Variants in SGCD observed in about 807,000 individuals in gnomAD.
SGCD encodes the protein sarcoglycan delta.
A neutral mutation model predicts 36.6 loss-of-function variants in SGCD; 18 were observed. The observed-to-expected ratio is 0.49, with a 90% CI of 0.34 to 0.73. The LOEUF is 0.73. Among genes scored for constraint, SGCD ranks in the 30% least tolerant of loss-of-function variants. The pLI, the probability that SGCD is intolerant of heterozygous loss-of-function variation, is 0.01. For synonymous variants in SGCD, 133 were observed against 130.6 expected, an observed-to-expected ratio of 1.02 and a Z score of -0.12; for missense variants, 387 against 346.7, an observed-to-expected ratio of 1.12 and a Z score of -0.92.
chr5:156,437,310 C>T (rs1753286860), intron 3 of SGCD, among the ~76,000 whole-genome samples: 2 of 152,184 alleles, frequency 1.3e-5, no homozygotes, highest in South Asian at 2.1e-4. Context: ...TCCCATTATA[C>T]TTCAAAGGGG....
chr5:156,544,322 G>A (rs941097391), intron 4 of SGCD, among the ~76,000 whole-genome samples: 1 of 152,114 alleles, frequency 6.6e-6, no homozygotes, highest in Non-Finnish European at 1.5e-5. Flanking sequence ...CAACCTACCT[G>A]GTAATAAGGT....
At chr5:156,676,548 G>A (rs1337080687) in intron 7 of SGCD, among the ~76,000 whole-genome samples, 1 of 152,150 alleles carries the variant, frequency 6.6e-6, no homozygotes, top group Non-Finnish European at 1.5e-5. Flanking sequence ...AGGGTTGAGG[G>A]CTTTAGCTTG....
At chr5:156,068,099 TTTTTATTTTTA>T (rs1364415396) in intron 1 of SGCD, among the ~76,000 whole-genome samples, 2 of 149,808 alleles carry the variant, frequency 1.3e-5, no homozygotes, top group Non-Finnish European at 3.0e-5. Context: ...GAATTTTATA[TTTTTATTTTTA>T]TTTTATTTTA....
At chr5:156,429,319 A>C (rs1244311495) in intron 3 of SGCD, among the ~76,000 whole-genome samples, 1 of 147,732 alleles carries the variant, frequency 6.8e-6, no homozygotes, top group East Asian at 2.0e-4. Flanking sequence ...GTCTGATCTA[A>C]AAATAGCTAC....
intron 1 of SGCD, among the ~76,000 whole-genome samples, chr5:156,044,138 T>C (rs1005510087): frequency 6.6e-6 from 1 of 151,954 alleles, no homozygotes; most frequent in Non-Finnish European, 1.5e-5. Context: ...CTTAGAAAAA[T>C]TGGAATGAGA....
At chr5:156,649,127 C>T (rs1280686741) in intron 7 of SGCD, among the ~76,000 whole-genome samples, 1 of 152,070 alleles carries the variant, frequency 6.6e-6, no homozygotes, top group Admixed American at 6.6e-5. Flanking sequence ...TCATCACTGG[C>T]CATCAGAGAA....
At chr5:155,852,892 T>C in the SGCD span, among the ~76,000 whole-genome samples, 1 of 152,132 alleles carries the variant, frequency 6.6e-6, no homozygotes, top group African/African-American at 2.4e-5. Context: ...TGCTAGCTCA[T>C]GTGGTCTGAA....
intron 3 of SGCD, among the ~76,000 whole-genome samples, chr5:156,237,549 C>A (rs1765197889): frequency 1.3e-5 from 2 of 152,094 alleles, no homozygotes; most frequent in South Asian, 4.1e-4. Flanking sequence ...CGGTTGAAAC[C>A]AGAAGGCAGA....
intron 3 of SGCD, among the ~76,000 whole-genome samples, chr5:156,301,479 T>C (rs925529606): frequency 1.3e-5 from 2 of 152,110 alleles, no homozygotes; most frequent in African/African-American, 4.8e-5. Context: ...GAAAAGTTGC[T>C]GTAGTTATTA....
At chr5:156,598,454 A>G (rs535286873) in intron 6 of SGCD, among the ~76,000 whole-genome samples, 1 of 152,314 alleles carries the variant, frequency 6.6e-6, no homozygotes, top group Admixed American at 6.5e-5. Flanking sequence ...AGGCAGGAGA[A>G]TTGCTTGAAC....
At chr5:156,354,094 A>C (rs1561640499) in intron 3 of SGCD, among the ~76,000 whole-genome samples, 1 of 152,266 alleles carries the variant, frequency 6.6e-6, no homozygotes, top group Admixed American at 6.5e-5. Context: ...TTAAGTACTC[A>C]TAATTTACTA....
the SGCD span, among the ~76,000 whole-genome samples, chr5:155,769,233 G>A: frequency 1.3e-5 from 2 of 152,024 alleles, no homozygotes; most frequent in East Asian, 3.9e-4. Context: ...TGCATACAAA[G>A]TATGCTAGAA....
intron 2 of SGCD, among the ~76,000 whole-genome samples, chr5:156,118,536 C>T (rs935067225): frequency 2.0e-5 from 3 of 152,232 alleles, no homozygotes; most frequent in South Asian, 2.1e-4. Context: ...TCTACTTTTA[C>T]TACTTGCACA....
At chr5:156,061,006 C>T (rs921753980) in intron 1 of SGCD, among the ~76,000 whole-genome samples, 8 of 144,800 alleles carry the variant, frequency 5.5e-5, no homozygotes, top group Non-Finnish European at 1.1e-4. Context: ...TGTCTGGACT[C>T]TCACAAAAAT....
At chr5:156,523,121 A>G (rs6889462) in intron 4 of SGCD, among the ~76,000 whole-genome samples, 42,826 of 152,030 alleles carry the variant, frequency 0.28, 6,196 homozygotes, top group Non-Finnish European at 0.32. Context: ...TCATTTACTG[A>G]TTGGGGCACT....
intron 3 of SGCD, among the ~76,000 whole-genome samples, chr5:156,224,684 A>G (rs1764804846): frequency 6.6e-6 from 1 of 152,158 alleles, no homozygotes; most frequent in South Asian, 2.1e-4. Context: ...AGCTCTTTGT[A>G]TGCTTTATAA....
At chr5:156,296,973 T>C (rs1766910980) in intron 3 of SGCD, among the ~76,000 whole-genome samples, 2 of 151,796 alleles carry the variant, frequency 1.3e-5, no homozygotes, top group South Asian at 2.1e-4. Context: ...ATATAGTATA[T>C]ATGTACACAC....
chr5:155,834,850 TC>T, the SGCD span, among the ~76,000 whole-genome samples: 1 of 150,720 alleles, frequency 6.6e-6, no homozygotes, highest in African/African-American at 2.4e-5. Context: ...TTTTTTTTTT[TC>T]GTGAGACGGA....
intron 1 of SGCD, among the ~76,000 whole-genome samples, chr5:155,930,634 C>T (rs1757081397): frequency 6.6e-6 from 1 of 152,090 alleles, no homozygotes; most frequent in African/African-American, 2.4e-5. Flanking sequence ...TCTTTTAGCT[C>T]ATGGATTTTT....
Sources: gnomAD v4.1 joint callset for allele counts (sites outside exome capture counted in the v4.1 genomes callset) on GRCh38, gnomAD v4.1.1 for gene constraint, MANE v1.5 for transcripts, NCBI Gene and HGNC (gene_info 2026-07-23, HGNC 2026-07-21) for gene names.